Variants in LOXHD1 observed in about 807,000 individuals in gnomAD.
The protein encoded by LOXHD1 is lipoxygenase homology domain-containing protein 1.
LOXHD1 carries 205 observed loss-of-function variants against 248.2 expected under a neutral mutation model. The observed-to-expected ratio is 0.83, with a 90% CI of 0.74 to 0.93. The LOEUF (loss-of-function observed/expected upper bound fraction) is 0.93. Among genes scored for constraint, LOXHD1 ranks in the 40% least tolerant of loss-of-function variants. The pLI, the probability that LOXHD1 is intolerant of heterozygous loss-of-function variation, is 0.00. For missense variants in LOXHD1, 2,930 were observed against 2,971.6 expected (o/e 0.99, Z 0.33); for synonymous variants, 1,113 against 1,162.8 (o/e 0.96, Z 0.87).
At chr18:46,641,723 C>T (rs2038965138) in intron 3 of LOXHD1, among the ~76,000 whole-genome samples, 1 of 152,284 alleles carries the variant, frequency 6.6e-6, no homozygotes, top group South Asian at 2.1e-4. Context: ...TCTCTCACAG[C>T]ATATTCTCAA....
chr18:46,510,619 G>C (rs576023797), intron 34 of LOXHD1, among the ~76,000 whole-genome samples: 49 of 152,190 alleles, frequency 3.2e-4, no homozygotes, highest in Non-Finnish European at 5.3e-4. Context: ...ATGTGGCTCT[G>C]CATGGCAATC....
intron 39 of LOXHD1, 143 bp from the exon 40 acceptor site, chr18:46,483,888 G>T: frequency 1.1e-6 from 1 of 938,956 alleles, no homozygotes; most frequent in Non-Finnish European, 1.6e-6. Flanking sequence ...AGTCCTGGAG[G>T]CTTTGAGGGG....
At chr18:46,656,531 T>G (rs2039184064) in intron 1 of LOXHD1, among the ~76,000 whole-genome samples, 1 of 152,208 alleles carries the variant, frequency 6.6e-6, no homozygotes, top group Non-Finnish European at 1.5e-5. Context: ...CATCCTTTCA[T>G]GACCCCAGCA....
At chr18:46,502,740 C>T (rs928202387) in intron 37 of LOXHD1, among the ~76,000 whole-genome samples, 1 of 152,182 alleles carries the variant, frequency 6.6e-6, no homozygotes, top group African/African-American at 2.4e-5. Context: ...ACTCTCACCC[C>T]TCATGAATAA....
chr18:46,522,051 C>T (rs1230062751), intron 32 of LOXHD1, 50 bp downstream of exon 32: 1 of 1,403,194 alleles, frequency 7.1e-7, no homozygotes, highest in Non-Finnish European at 9.7e-7. Flanking sequence ...CTGGTCAGCT[C>T]TGTCTATCCC....
At chr18:46,632,157 A>G (rs1013694074) in intron 4 of LOXHD1, among the ~76,000 whole-genome samples, 7 of 152,212 alleles carry the variant, frequency 4.6e-5, no homozygotes, top group Admixed American at 4.6e-4. Flanking sequence ...TTAAGAAGAT[A>G]CTACTTGTAA....
At chr18:46,650,583 T>C (rs1473247481) in intron 1 of LOXHD1, among the ~76,000 whole-genome samples, 2 of 152,158 alleles carry the variant, frequency 1.3e-5, no homozygotes, top group East Asian at 1.9e-4. Flanking sequence ...CTGAGTATAT[T>C]TGAGTGGCCC....
Position 46,579,644 on chromosome 18 carries a change from A to G in LOXHD1, c.1795T>C (p.Phe599Leu), listed in dbSNP as rs776769626. Residue 599 changes from phenylalanine (F) to leucine (L), a missense_variant, in exon 13 of 41, where the codon TTT (phenylalanine) becomes CTT (leucine). By Grantham distance (22) the Phe-to-Leu change is conservative. Transcript: ENST00000642948. The stretch of plus-strand genomic sequence containing the variant: ...CTGTAACTTACATTGCCCTTTTCAA[A>G]CAGGTCTGTGTTATTCCTGCAGTTG... ...LYNCRNNTDLFEKGNADEFTI... is the reference protein window; with the variant it reads ...LYNCRNNTDLLEKGNADEFTI... 392 of 1,551,500 alleles carry G rather than the reference A, an allele frequency of 2.5e-4. No homozygotes were observed. Among genetic ancestry groups the G allele is most frequent in the Non-Finnish European group, 3.3e-4 (380 of 1,146,968 alleles).
At chr18:46,538,761 A>G (rs549543358) in intron 25 of LOXHD1, among the ~76,000 whole-genome samples, 3 of 152,326 alleles carry the variant, frequency 2.0e-5, no homozygotes, top group Admixed American at 6.5e-5. Context: ...AAGAGACTCC[A>G]CAAACAAGAG....
chr18:46,642,945 A>C (rs561921264), intron 2 of LOXHD1, among the ~76,000 whole-genome samples: 50 of 152,272 alleles, frequency 3.3e-4, no homozygotes, highest in African/African-American at 1.2e-3. Context: ...CACACAGCTC[A>C]TGGGAAAGGA....
intron 21 of LOXHD1, among the ~76,000 whole-genome samples, chr18:46,552,227 T>G (rs991738814): frequency 2.0e-5 from 3 of 152,204 alleles, no homozygotes. Flanking sequence ...AATTTTTTTT[T>G]TAAATCCAAC....
At chr18:46,558,208 A>G (rs1372789494) in intron 20 of LOXHD1, among the ~76,000 whole-genome samples, 1 of 152,044 alleles carries the variant, frequency 6.6e-6, no homozygotes. Flanking sequence ...TTGCTTTCTC[A>G]CTCTGTCATC....
chr18:46,591,831 AG>A, intron 12 of LOXHD1, 101 bp downstream of exon 12: 1 of 1,420,148 alleles, frequency 7.0e-7, no homozygotes, highest in Non-Finnish European at 9.6e-7. Context: ...AGGGGCCTGA[AG>A]ATGCAAAGCA....
chr18:46,584,682 A>C (rs111652904), intron 12 of LOXHD1, among the ~76,000 whole-genome samples: 132 of 152,218 alleles, frequency 8.7e-4, no homozygotes, highest in African/African-American at 3.1e-3. Context: ...AACTCTTCCA[A>C]AAATAGAAGA....
intron 28 of LOXHD1, among the ~76,000 whole-genome samples, chr18:46,532,245 G>GT (rs1256266664): frequency 6.6e-6 from 1 of 152,170 alleles, no homozygotes; most frequent in Admixed American, 6.5e-5. Flanking sequence ...TAGAAAGTCT[G>GT]TTTTTTGCAA....
intron 4 of LOXHD1, among the ~76,000 whole-genome samples, chr18:46,620,970 G>A (rs2038661143): frequency 6.6e-6 from 1 of 152,196 alleles, no homozygotes; most frequent in Non-Finnish European, 1.5e-5. Flanking sequence ...GGCAATTTGG[G>A]GAGACAGGCC....
chr18:46,557,988 A>T lies in LOXHD1; in HGVS notation c.3217-499T>A, dbSNP rs116252239. On this transcript the variant is annotated intron_variant, in intron 20 of 40. Coordinates refer to ENST00000642948, the MANE Select transcript of LOXHD1 (RefSeq NM_001384474.1). The stretch of plus-strand genomic sequence containing the variant: ...CCACCATTTAGGTGTGAAGAGGGCC[A>T]TATGGATCACACCATGTGAATGCAC... The T allele has an allele frequency of 2.1e-4, 212 of 1,017,964 alleles. No homozygotes were observed. The African/African-American group carries it at 3.4e-3, about 16-fold the overall frequency. 63.1% of individuals were successfully genotyped at this position (1,017,964 alleles called of 1,614,324 possible).
chr18:46,548,552 C>T (rs2143843865), intron 21 of LOXHD1, among the ~76,000 whole-genome samples: 1 of 152,330 alleles, frequency 6.6e-6, no homozygotes. Flanking sequence ...GAGAAAAATG[C>T]ACACTGTTCT....
chr18:46,577,721 C>T lies in LOXHD1; in HGVS notation c.1956G>A (p.Glu652=). The change falls in exon 14 of 41, where the codon GAG becomes GAA. Residue 652 remains glutamate, a synonymous_variant. Transcript: ENST00000642948. The part of the protein sequence containing the change: ...EEGQPESDNV[E]FPCLRWLDKD... ...GACGCATGTACCTGAGACATGGGAA[C>T]TCCACGTTGTCGCTCTCAGGCTGCC... 1.9e-6 allele frequency: 3 copies of T among 1,551,348 alleles called. No individual in the cohort carries two copies. In the Middle Eastern group the frequency reaches 5.0e-4, roughly 259 times the overall value.
Sources: allele counts gnomAD v4.1 joint callset (sites outside exome capture counted in the v4.1 genomes callset), GRCh38; gene constraint gnomAD v4.1.1; transcripts MANE v1.5; gene names NCBI Gene and HGNC (gene_info 2026-07-23, HGNC 2026-07-21).